ANXA13: variants seen among roughly 807,000 people sequenced by gnomAD.
ANXA13 encodes annexin A13.
In ANXA13, 36 loss-of-function variants were observed where a neutral mutation model predicts 46.6. The ratio of observed to expected loss-of-function variants is 0.77; its 90% CI spans 0.59 to 1.02. The LOEUF (loss-of-function observed/expected upper bound fraction) is 1.02. ANXA13 is among the 50% of genes least tolerant of loss of function. ANXA13 has a pLI of 0.00. For synonymous variants in ANXA13, 163 were observed against 152.9 expected, an observed-to-expected ratio of 1.07 and a Z score of -0.49; for missense variants, 417 against 396.5, an observed-to-expected ratio of 1.05 and a Z score of -0.44.
rs1361212137 is a variant in ANXA13 at position 123,737,307 on chromosome 8, A to G, written c.15+13T>C. 1.2e-6 allele frequency: 2 copies of G among 1,608,268 alleles called. No individual in the cohort carries two copies. The highest frequency in any genetic ancestry group is 2.2e-5 in the South Asian group (2 of 90,336). ...AAAATTAAAACCAATTCCCAAAGGC[A>G]ATGAGTACTTACATGACGATTGCCC... On this transcript the variant is annotated intron_variant, in intron 1 of 10. Transcript: ENST00000419625.
intron 10 of ANXA13, among the ~76,000 whole-genome samples, chr8:123,683,424 CTTTT>C (rs35546652): frequency 8.7e-6 from 1 of 114,546 alleles, no homozygotes; most frequent in Non-Finnish European, 1.7e-5. Flanking sequence ...CATTTAACCA[CTTTT>C]TTTTTTTTTT....
At chr8:123,712,867 T>G in intron 1 of ANXA13, 114 bp from the exon 2 acceptor site, 1 of 873,546 alleles carries the variant, frequency 1.1e-6, no homozygotes. Context: ...AGGGACCAGC[T>G]GTCACTTCAC....
chr8:123,696,713 C>A (rs968599218), intron 4 of ANXA13, among the ~76,000 whole-genome samples: 2 of 152,140 alleles, frequency 1.3e-5, no homozygotes, highest in African/African-American at 4.8e-5. Flanking sequence ...TGTGTTTGTG[C>A]AGCTCCCTCC....
intron 1 of ANXA13, among the ~76,000 whole-genome samples, chr8:123,720,744 C>T (rs1166862071): frequency 6.2e-5 from 9 of 144,522 alleles, no homozygotes; most frequent in Non-Finnish European, 1.2e-4. Context: ...ACAAATAATA[C>T]TTTATATTTA....
chr8:123,722,386 G>GAA (rs1346751807), intron 1 of ANXA13, among the ~76,000 whole-genome samples: 1 of 131,886 alleles, frequency 7.6e-6, no homozygotes, highest in African/African-American at 2.7e-5. Context: ...AAGAAAGAAA[G>GAA]AAAGAAAGAA....
At chr8:123,696,266 A>C (rs1813334758) in intron 4 of ANXA13, among the ~76,000 whole-genome samples, 1 of 152,130 alleles carries the variant, frequency 6.6e-6, no homozygotes, top group South Asian at 2.1e-4. Context: ...ATGGATAGTC[A>C]CCTAGAGTTT....
chr8:123,682,626 T>C (rs1462875607), intron 10 of ANXA13, among the ~76,000 whole-genome samples: 1 of 152,038 alleles, frequency 6.6e-6, no homozygotes, highest in Non-Finnish European at 1.5e-5. Flanking sequence ...TGGCAGACAC[T>C]ACAGGAGACA....
At chr8:123,724,468 G>T (rs746693256) in intron 1 of ANXA13, among the ~76,000 whole-genome samples, 2 of 152,158 alleles carry the variant, frequency 1.3e-5, no homozygotes, top group Admixed American at 6.5e-5. Context: ...AAGCAGCCAG[G>T]GTTGAGAACC....
At chr8:123,696,322 A>G (rs964416450) in intron 4 of ANXA13, among the ~76,000 whole-genome samples, 6 of 152,164 alleles carry the variant, frequency 3.9e-5, no homozygotes, top group African/African-American at 9.7e-5. Context: ...GCTACGGTTT[A>G]CTTAGCCAAC....
At chr8:123,736,867 G>T (rs11986633) in intron 1 of ANXA13, among the ~76,000 whole-genome samples, 1 of 51,846 alleles carries the variant, frequency 1.9e-5, no homozygotes, top group African/African-American at 4.5e-5. Context: ...TTTTTTTTTG[G>T]GACGGAGTTT....
At chr8:123,698,665 G>T (rs1813390497) in intron 3 of ANXA13, 106 bp from the exon 4 acceptor site, 1 of 1,257,296 alleles carries the variant, frequency 8.0e-7, no homozygotes, top group Non-Finnish European at 1.1e-6. Flanking sequence ...AAGGTGCTGT[G>T]GACATGAATT....
Position 123,681,398 on chromosome 8 carries a change from A to G in ANXA13, c.832-39T>C, listed in dbSNP as rs371550350. The G allele has an allele frequency of 3.1e-6, 5 of 1,600,240 alleles. No homozygotes were observed. The African/African-American group carries it at 6.7e-5, about 21-fold the overall frequency. On this transcript the variant is annotated intron_variant, in intron 10 of 10. Transcript: ENST00000419625. ...AACAGCAATGGAGATAAGAACGTTTATGGTGTGTTCACAAACAGTGGGCAC... is the reference window on the plus strand; with the variant it reads ...AACAGCAATGGAGATAAGAACGTTTGTGGTGTGTTCACAAACAGTGGGCAC...
chr8:123,723,958 G>A (rs1291045475), intron 1 of ANXA13, among the ~76,000 whole-genome samples: 2 of 152,270 alleles, frequency 1.3e-5, no homozygotes, highest in East Asian at 1.9e-4. Flanking sequence ...TACACTGAAT[G>A]CCTTTTCTTT....
intron 9 of ANXA13, 64 bp downstream of exon 9, chr8:123,688,807 C>T (rs1813182938): frequency 2.1e-6 from 3 of 1,449,076 alleles, no homozygotes; most frequent in Admixed American, 3.4e-5. Context: ...ACACACAAAC[C>T]TCTGTCTGAG....
rs183007620 is a variant in ANXA13 at position 123,702,864 on chromosome 8, G to A, written c.92-128C>T. On this transcript the variant is annotated intron_variant, in intron 2 of 10. Transcript: ENST00000419625. The stretch of plus-strand genomic sequence containing the variant: ...GTTGGAGGTGTCTATGGAACCCAAC[G>A]GACCCTTAGCTTTGATGCCTTGTGC... 1,732 of 768,642 alleles carry A rather than the reference G, an allele frequency of 2.3e-3. 14 individuals are homozygous for A. The highest frequency in any genetic ancestry group is 8.6e-3 in the Middle Eastern group (36 of 4,208). 47.6% of individuals were successfully genotyped at this position (768,642 alleles called of 1,614,324 possible).
chr8:123,729,694 G>C (rs1814073838), intron 1 of ANXA13, among the ~76,000 whole-genome samples: 1 of 152,064 alleles, frequency 6.6e-6, no homozygotes, highest in Admixed American at 6.5e-5. Flanking sequence ...ACATAGCTTG[G>C]GTCCCTAATG....
chr8:123,698,510 G>C lies in ANXA13; in HGVS notation c.236C>G (p.Thr79Arg). 1 of 1,614,222 alleles carries C rather than the reference G, an allele frequency of 6.2e-7. No homozygotes were observed. Among genetic ancestry groups the C allele is most frequent in the Non-Finnish European group, 8.5e-7 (1 of 1,180,030 alleles). The change falls in exon 4 of 11, where the codon ACA (threonine) becomes AGA (arginine). Residue 79 changes from threonine (T) to arginine (R), a missense_variant. Thr to Arg is a moderately conservative substitution (Grantham distance 71). Transcript: ENST00000419625. The stretch of plus-strand genomic sequence containing the variant: ...GGGACGGTCCAGAAGGGCCAACGCT[G>C]TCTTCTCGAAGTTTCCACTCAGCTC... ...KSELSGNFEK[T>R]ALALLDRPSE...
chr8:123,712,663 A>AAAT lies in ANXA13; in HGVS notation c.91+12_91+14dup. 6.2e-7 allele frequency: 1 copy of AAAT among 1,613,552 alleles called. No homozygotes were observed. Among genetic ancestry groups the AAAT allele is most frequent in the South Asian group, 1.1e-5 (1 of 91,060 alleles). ...CAACTTCAGAAGCAAATTAGCAACA[A>AAAT]AATATCTCTCATACCCATTCCTTTG... On this transcript the variant is annotated intron_variant, in intron 2 of 10. Coordinates refer to ENST00000419625, the MANE Select transcript of ANXA13 (RefSeq NM_004306.4).
intron 2 of ANXA13, among the ~76,000 whole-genome samples, chr8:123,709,662 A>C (rs1005812244): frequency 3.9e-5 from 6 of 152,148 alleles, no homozygotes; most frequent in African/African-American, 1.2e-4. Flanking sequence ...AGCTTGTACT[A>C]CTTTCCTACC....
Sources: allele counts gnomAD v4.1 joint callset (sites outside exome capture counted in the v4.1 genomes callset), GRCh38; gene constraint gnomAD v4.1.1; transcripts MANE v1.5; gene names NCBI Gene and HGNC (gene_info 2026-07-23, HGNC 2026-07-21).